MAP2K5: variants seen among roughly 807,000 people sequenced by gnomAD.
The protein encoded by MAP2K5 is dual specificity mitogen-activated protein kinase kinase 5.
In MAP2K5, 49 loss-of-function variants were observed where a neutral mutation model predicts 83.1. That is an observed-to-expected ratio of 0.59 (90% CI 0.47 to 0.75). The LOEUF is 0.75. Among genes scored for constraint, MAP2K5 ranks in the 30% least tolerant of loss-of-function variants. The pLI is 0.00. For synonymous variants in MAP2K5, 202 were observed against 191.8 expected (o/e 1.05, Z -0.44); for missense variants, 457 against 557.5 (o/e 0.82, Z 1.82).
rs2086602694 is a variant in MAP2K5, at chr15:67,636,316, G to A, written c.585+5389G>A. Among the ~76,000 whole-genome samples, 1 of 151,878 alleles carries A rather than the reference G, an allele frequency of 6.6e-6. No homozygotes were observed. Among genetic ancestry groups the A allele is most frequent in the South Asian group, 2.1e-4 (1 of 4,804 alleles). ...CCAGCTACTCAGGAGGCTGAAGCAG[G>A]AGAATGGCGTGAACCTGGGAAGTGG... On this transcript the variant is annotated intron_variant, in intron 9 of 21. Transcript: ENST00000178640. The surrounding 1 kb of genome is among the most constrained non-coding windows in gnomAD (Gnocchi z 4.7).
chr15:67,579,976 T>C (rs2085145840), intron 3 of MAP2K5, among the ~76,000 whole-genome samples: 1 of 152,204 alleles, frequency 6.6e-6, no homozygotes, highest in Non-Finnish European at 1.5e-5. Flanking sequence ...ATCACTTTGT[T>C]ATTTGTCGAG....
intron 7 of MAP2K5, among the ~76,000 whole-genome samples, chr15:67,594,463 T>C (rs1447679043): frequency 6.6e-6 from 1 of 152,212 alleles, no homozygotes; most frequent in Non-Finnish European, 1.5e-5. Context: ...ATTAAGAAGC[T>C]TTAACTACAT....
chr15:67,799,771 A>G (rs1049705601), intron 21 of MAP2K5, among the ~76,000 whole-genome samples: 2 of 152,212 alleles, frequency 1.3e-5, no homozygotes, highest in African/African-American at 4.8e-5. Context: ...GACAAGGCTC[A>G]GGAGTGTTAC....
rs1249580592 is a variant in MAP2K5, at chr15:67,573,421, A to T, written c.253-7333A>T. 6.6e-6 allele frequency among the ~76,000 whole-genome samples: 1 copy of T among 152,108 alleles called. No individual in the cohort carries two copies. Among genetic ancestry groups the T allele is most frequent in the Non-Finnish European group, 1.5e-5 (1 of 68,010 alleles). On this transcript the variant is annotated intron_variant, in intron 3 of 21. Coordinates refer to ENST00000178640, the MANE Select transcript of MAP2K5 (RefSeq NM_145160.3). The surrounding 1 kb of genome is among the most constrained non-coding windows in gnomAD (Gnocchi z 4.2). Reference sequence around the variant, plus strand: ...GGTAGAGGGTGGGGCGGGAGTTGCCACACACTTTTAAACCATCAGATCTCG... The same window carrying T: ...GGTAGAGGGTGGGGCGGGAGTTGCCTCACACTTTTAAACCATCAGATCTCG...
At position 67,586,857 on chromosome 15, in the gene MAP2K5, G is replaced by A; in HGVS notation, c.375G>A (p.Arg125=). The change falls in exon 6 of 22, where the codon CGG becomes CGA. Residue 125 remains arginine (R), a synonymous_variant. Transcript: ENST00000178640. ...TTCTTTACTTATAGGTGAATACTCG[G>A]GCCGGACCCTCTCAACACAGCAGCC... ...RNIHGLKVNT[R]AGPSQHSSPA... is the part of the protein sequence containing the mutation. The A allele has an allele frequency of 1.2e-6, 2 of 1,614,070 alleles. No homozygotes were observed. The highest frequency in any genetic ancestry group is 2.7e-5 in the African/African-American group (2 of 74,998).
intron 8 of MAP2K5, chr15:67,628,744 C>T: frequency 1.3e-6 from 1 of 767,756 alleles, no homozygotes; most frequent in Admixed American, 1.7e-5. Context: ...CTTCAGCCAG[C>T]CAAAGAGGTC....
chr15:67,546,279 A>C (rs926512290), intron 1 of MAP2K5: 1 of 152,280 alleles, frequency 6.6e-6, no homozygotes, highest in African/African-American at 2.4e-5. Flanking sequence ...AACCTGGAAG[A>C]ATCCCCTCAT....
At chr15:67,630,755 ATGT>A (rs1481749080) in intron 8 of MAP2K5, 130 bp from the exon 9 acceptor site, 21 of 662,878 alleles carry the variant, frequency 3.2e-5, no homozygotes, top group Non-Finnish European at 5.6e-5. Flanking sequence ...TAAATTACTA[ATGT>A]TGTTAGTGTT....
At chr15:67,728,639 C>T (rs2089155960) in intron 17 of MAP2K5, among the ~76,000 whole-genome samples, 1 of 152,146 alleles carries the variant, frequency 6.6e-6, no homozygotes, top group African/African-American at 2.4e-5. Context: ...CTGTTTTCCT[C>T]TGGTTGATGT....
chr15:67,646,320 A>T, intron 10 of MAP2K5, 21 bp downstream of exon 10: 1 of 1,427,076 alleles, frequency 7.0e-7, no homozygotes, highest in Non-Finnish European at 9.8e-7. Context: ...CATAATTTTT[A>T]TTTGTAAAGC....
rs949944411 is a variant in MAP2K5 at position 67,552,941 on chromosome 15, A to G, written c.184+2859A>G. Among the ~76,000 whole-genome samples, 7 of 152,284 alleles carry G rather than the reference A, an allele frequency of 4.6e-5. No homozygotes were observed. The East Asian group carries it at 1.3e-3, about 29-fold the overall frequency. On this transcript the variant is annotated intron_variant, in intron 2 of 21. Transcript: ENST00000178640. The surrounding 1 kb of genome is among the most constrained non-coding windows in gnomAD (Gnocchi z 4.2). ...TCATATATTCTGGTTGTTCTTAAGC[A>G]TGGTAAAAAGAAGTTTACTTTGTAC...
rs571255687 is a variant in MAP2K5, at chr15:67,696,934, G to T, written c.972+3366G>T. 1.2e-4 allele frequency among the ~76,000 whole-genome samples: 19 copies of T among 152,246 alleles called. No homozygotes were observed. In the South Asian group the frequency reaches 3.3e-3, roughly 27 times the overall value. ...GCGGAGGTTGCGGTGAGCTGAGATC[G>T]CACCATTGCACTCCAGCCTGGGCAA... On this transcript the variant is annotated intron_variant, in intron 15 of 21. Transcript: ENST00000178640.
chr15:67,644,303 A>AGAAT lies in MAP2K5; in HGVS notation c.586-1926_586-1923dup, dbSNP rs1357828991. On this transcript the variant is annotated intron_variant, in intron 9 of 21. Transcript: ENST00000178640. The surrounding 1 kb of genome is among the most constrained non-coding windows in gnomAD (Gnocchi z 4.6). Reference sequence around the variant, plus strand: ...CAGCTACTTGGGAGGCTGAGGCAGGAGAATGGCTTGAACCCGGGAGGCGGA... The same window carrying AGAAT: ...CAGCTACTTGGGAGGCTGAGGCAGGAGAATGAATGGCTTGAACCCGGGAGGCGGA... Among the ~76,000 whole-genome samples the AGAAT allele has an allele frequency of 2.0e-5, 3 of 152,150 alleles. No homozygotes were observed. The highest frequency in any genetic ancestry group is 7.2e-5 in the African/African-American group (3 of 41,426).
intron 20 of MAP2K5, among the ~76,000 whole-genome samples, chr15:67,772,027 T>C (rs1445521910): frequency 1.3e-5 from 2 of 152,224 alleles, no homozygotes; most frequent in Admixed American, 1.3e-4. Flanking sequence ...TTATATCTAT[T>C]GCATGGAAGA....
At chr15:67,792,956 C>G (rs1231978184) in intron 21 of MAP2K5, among the ~76,000 whole-genome samples, 1 of 152,152 alleles carries the variant, frequency 6.6e-6, no homozygotes, top group Non-Finnish European at 1.5e-5. Flanking sequence ...TATGGATTTT[C>G]TAAAACTCAC....
intron 13 of MAP2K5, among the ~76,000 whole-genome samples, chr15:67,666,654 A>T (rs2141157627): frequency 6.6e-6 from 1 of 152,272 alleles, no homozygotes; most frequent in East Asian, 1.9e-4. Context: ...GGTTTGACTG[A>T]TGGAGAGCAT....
At chr15:67,787,362 C>T (rs1269279764) in intron 21 of MAP2K5, among the ~76,000 whole-genome samples, 1 of 152,216 alleles carries the variant, frequency 6.6e-6, no homozygotes, top group East Asian at 1.9e-4. Context: ...CTGTCACTAT[C>T]AGGGAAAATC....
At chr15:67,674,241 A>G (rs934886496) in intron 13 of MAP2K5, among the ~76,000 whole-genome samples, 8 of 152,168 alleles carry the variant, frequency 5.3e-5, no homozygotes, top group African/African-American at 1.9e-4. Flanking sequence ...GCCATGTGTA[A>G]TGATGAGAGA....
At chr15:67,695,581 T>G (rs1003795197) in intron 15 of MAP2K5, among the ~76,000 whole-genome samples, 15 of 152,184 alleles carry the variant, frequency 9.9e-5, no homozygotes, top group African/African-American at 3.4e-4. Context: ...TTTGAAAGAA[T>G]ATGAAACACT....
Sources: gnomAD v4.1 joint callset for allele counts (sites outside exome capture counted in the v4.1 genomes callset) on GRCh38, gnomAD v4.1.1 for gene constraint, Gnocchi (gnomAD v3.1) non-coding constraint, MANE v1.5 for transcripts, NCBI Gene and HGNC (gene_info 2026-07-23, HGNC 2026-07-21) for gene names.